TRMT11: variants seen among roughly 807,000 people sequenced by gnomAD.
TRMT11 encodes tRNA methyltransferase 11.
TRMT11 carries 53 observed loss-of-function variants against 62.8 expected under a neutral mutation model. The ratio of observed to expected loss-of-function variants is 0.84; its 90% confidence interval spans 0.68 to 1.06. TRMT11 has a LOEUF of 1.06. Among genes scored for constraint, TRMT11 ranks in the 50% least tolerant of loss-of-function variants. The probability of loss-of-function intolerance (pLI) is 0.00; values close to 1 mark genes in which losing one functional copy is unlikely to be tolerated. For synonymous variants in TRMT11, 188 were observed against 190.3 expected (o/e 0.99, Z 0.10); for missense variants, 556 against 553.4 (o/e 1.00, Z -0.05).
At chr6:126,077,196 C>G (rs554317657) in intron 17 of TRMT11, among the ~76,000 whole-genome samples, 1 of 152,332 alleles carries the variant, frequency 6.6e-6, no homozygotes, top group African/African-American at 2.4e-5. Context: ...CATTTGTTTA[C>G]TTTCTTTCCA....
At chr6:126,268,085 A>T in the TRMT11 span, among the ~76,000 whole-genome samples, 4 of 152,314 alleles carry the variant, frequency 2.6e-5, no homozygotes, top group Admixed American at 2.6e-4. Context: ...AATTAGGTGT[A>T]AATTATTTCA....
At chr6:126,053,813 C>T (rs779749758) in intron 17 of TRMT11, among the ~76,000 whole-genome samples, 1 of 152,048 alleles carries the variant, frequency 6.6e-6, no homozygotes, top group Admixed American at 6.6e-5. Flanking sequence ...TTTAAAAACA[C>T]GTGAGAGAGG....
At chr6:126,267,395 C>A in the TRMT11 span, among the ~76,000 whole-genome samples, 3 of 152,220 alleles carry the variant, frequency 2.0e-5, no homozygotes, top group South Asian at 6.2e-4. Context: ...ATTTATGACT[C>A]TGGTCCAATA....
At chr6:126,012,307 G>A (rs973607717) in intron 9 of TRMT11, among the ~76,000 whole-genome samples, 3 of 151,624 alleles carry the variant, frequency 2.0e-5, no homozygotes, top group African/African-American at 7.3e-5. Flanking sequence ...ATACATTGTG[G>A]CCTTTTACTC....
upstream of TRMT11, among the ~76,000 whole-genome samples, chr6:126,174,759 T>A (rs1386079407): frequency 6.6e-6 from 1 of 152,212 alleles, no homozygotes; most frequent in Non-Finnish European, 1.5e-5. Flanking sequence ...GCCTGTTAGT[T>A]CCTTGCAGGT....
At chr6:126,195,611 T>C (rs1296692148) in intron 1 of TRMT11, among the ~76,000 whole-genome samples, 2 of 152,236 alleles carry the variant, frequency 1.3e-5, no homozygotes, top group Non-Finnish European at 2.9e-5. Flanking sequence ...TCCTTTATCC[T>C]TCCTTACAGA....
At chr6:126,076,444 G>A (rs1470977440) in intron 17 of TRMT11, among the ~76,000 whole-genome samples, 7 of 152,206 alleles carry the variant, frequency 4.6e-5, no homozygotes, top group Admixed American at 4.6e-4. Flanking sequence ...GGATGGCATT[G>A]ATAGATAGAA....
In TRMT11 at chr6:125,997,513, C is replaced by T. The variant is rs537116749; in HGVS notation, c.213-540C>T. 5.3e-5 allele frequency among the ~76,000 whole-genome samples: 8 copies of T among 152,346 alleles called. No homozygotes were observed. In the East Asian group the frequency reaches 1.5e-3, roughly 29 times the overall value. On this transcript the variant is annotated intron_variant, in intron 3 of 12. Transcript: ENST00000334379. ...AATTGTGTGTGTGTGTCCATACGTG[C>T]GCACGCACATGCATGACAGAGTATC...
chr6:126,018,470 T>A (rs1001882016), intron 11 of TRMT11, among the ~76,000 whole-genome samples: 8 of 152,150 alleles, frequency 5.3e-5, no homozygotes, highest in South Asian at 2.1e-4. Context: ...CACAATTATT[T>A]TTTTTTAATT....
intron 16 of TRMT11, among the ~76,000 whole-genome samples, chr6:126,045,441 C>T (rs1776024407): frequency 6.6e-6 from 1 of 152,006 alleles, no homozygotes; most frequent in African/African-American, 2.4e-5. Flanking sequence ...CATAGGAAGT[C>T]CTTAGTAATT....
At chr6:126,254,265 T>C in the TRMT11 span, among the ~76,000 whole-genome samples, 182 of 152,334 alleles carry the variant, frequency 1.2e-3, no homozygotes, top group African/African-American at 4.1e-3. Flanking sequence ...CAGATAGGTA[T>C]GGTTAAGTGC....
chr6:126,162,900 A>G (rs1246719375), intron 21 of TRMT11, among the ~76,000 whole-genome samples: 2 of 152,164 alleles, frequency 1.3e-5, no homozygotes, highest in Non-Finnish European at 2.9e-5. Context: ...GTTTTTGCAC[A>G]TTGATTTTGT....
At chr6:126,018,278 T>A (rs1320908126) in intron 11 of TRMT11, among the ~76,000 whole-genome samples, 1 of 152,166 alleles carries the variant, frequency 6.6e-6, no homozygotes, top group Non-Finnish European at 1.5e-5. Context: ...CATCTCTTAC[T>A]TAGGAAAGAG....
chr6:126,175,036 C>G (rs1247664291), upstream of TRMT11, among the ~76,000 whole-genome samples: 1 of 152,210 alleles, frequency 6.6e-6, no homozygotes, highest in Non-Finnish European at 1.5e-5. Flanking sequence ...CCTAAGTTGG[C>G]TTCAAACTAT....
chr6:126,203,919 TTGTGTGTGTGTGTGTGTG>T (rs71680476), downstream of TRMT11, among the ~76,000 whole-genome samples: 1 of 144,488 alleles, frequency 6.9e-6, no homozygotes, highest in African/African-American at 2.5e-5. Context: ...GATCATCATT[TTGTGTGTGTGTGTGTGTG>T]TGTGTGTGTG....
chr6:126,119,045 C>G (rs1289399165), intron 21 of TRMT11, among the ~76,000 whole-genome samples: 2 of 152,088 alleles, frequency 1.3e-5, no homozygotes, highest in Admixed American at 6.6e-5. Context: ...CCATAGAGAT[C>G]TGGATCCAAA....
At chr6:126,131,500 T>C (rs1443116723) in intron 21 of TRMT11, among the ~76,000 whole-genome samples, 2 of 152,022 alleles carry the variant, frequency 1.3e-5, no homozygotes, top group Non-Finnish European at 2.9e-5. Flanking sequence ...ACTCAACACA[T>C]AAAGCTGCAG....
chr6:126,114,716 A>G (rs1777568475), exon 19 of TRMT11, among the ~76,000 whole-genome samples: 1 of 152,114 alleles, frequency 6.6e-6, no homozygotes, highest in African/African-American at 2.4e-5. Flanking sequence ...GCCTACTCCA[A>G]TATCTAGAGA....
the TRMT11 span, among the ~76,000 whole-genome samples, chr6:126,210,700 G>C: frequency 6.6e-6 from 1 of 152,236 alleles, no homozygotes; most frequent in Non-Finnish European, 1.5e-5. Context: ...CTGTCTTAAA[G>C]CTATCTCAAT....
Sources: gnomAD v4.1 joint callset for allele counts (sites outside exome capture counted in the v4.1 genomes callset) on GRCh38, gnomAD v4.1.1 for gene constraint, MANE v1.5 for transcripts, NCBI Gene and HGNC (gene_info 2026-07-23, HGNC 2026-07-21) for gene names.